The following PGBD5 variants were observed in gnomAD, a reference collection of about 807,000 sequenced individuals.
The protein encoded by PGBD5 is piggyBac transposable element-derived protein 5.
PGBD5 carries 14 observed loss-of-function variants against 47.9 expected under a neutral mutation model. That is an observed-to-expected ratio of 0.29 (90% confidence interval 0.19 to 0.46). The LOEUF (loss-of-function observed/expected upper bound fraction) is 0.46, where lower values mean the gene tolerates loss of function less well. PGBD5 is among the 20% of genes least tolerant of loss of function. The pLI is 1.00. For synonymous variants in PGBD5, 316 were observed against 306.3 expected (o/e 1.03, Z -0.33); for missense variants, 635 against 716.0 (o/e 0.89, Z 1.29).
At chr1:230,364,149 C>T (rs905956814) in intron 1 of PGBD5, among the ~76,000 whole-genome samples, 1 of 152,256 alleles carries the variant, frequency 6.6e-6, no homozygotes, top group African/African-American at 2.4e-5. Flanking sequence ...AGTGAACAAA[C>T]TTGATTCTCA....
At chr1:230,384,261 T>G (rs1656584703) in intron 1 of PGBD5, among the ~76,000 whole-genome samples, 2 of 152,140 alleles carry the variant, frequency 1.3e-5, no homozygotes, top group Admixed American at 6.5e-5. Context: ...GCCAGTACTT[T>G]CAATGTTGTG....
At position 230,323,864 on chromosome 1, in the gene PGBD5, T is replaced by C. The variant is rs942799762; in HGVS notation, c.1380-244A>G. 3.3e-5 allele frequency among the ~76,000 whole-genome samples: 5 copies of C among 152,228 alleles called. No individual in the cohort carries two copies. The highest frequency in any genetic ancestry group is 7.3e-5 in the Non-Finnish European group (5 of 68,034). ...ACAACAAGGTTGCTGGAGTAGACCC[T>C]GAAAGCCAGGTGCCAGGTGTGCTGG... On this transcript the variant is annotated intron_variant, in intron 6 of 6. Transcript: ENST00000391860. This position sits in a 1 kb window ranked among gnomAD's most constrained non-coding sequence, Gnocchi z 4.1.
chr1:230,383,881 G>C (rs1309560545), intron 1 of PGBD5, among the ~76,000 whole-genome samples: 1 of 152,230 alleles, frequency 6.6e-6, no homozygotes, highest in East Asian at 1.9e-4. Flanking sequence ...GTGTGGGTGG[G>C]CAGGGTGAGT....
intron 1 of PGBD5, chr1:230,367,815 C>T (rs1271549249): frequency 9.1e-7 from 1 of 1,098,796 alleles, no homozygotes; most frequent in African/African-American, 1.7e-5. Context: ...TTCATCATAT[C>T]AACCACTACA....
chr1:230,413,176 C>T (rs543527073), intron 1 of PGBD5, among the ~76,000 whole-genome samples: 70 of 152,210 alleles, frequency 4.6e-4, no homozygotes, highest in African/African-American at 1.6e-3. Flanking sequence ...TAAATATTAC[C>T]TTCAGTTGCA....
intron 1 of PGBD5, among the ~76,000 whole-genome samples, chr1:230,371,788 C>T (rs938792433): frequency 2.6e-5 from 4 of 152,322 alleles, no homozygotes; most frequent in South Asian, 4.1e-4. Context: ...ACAGAGCTTG[C>T]ACAAATCACT....
chr1:230,340,631 T>C (rs1250821881), intron 3 of PGBD5, among the ~76,000 whole-genome samples: 1 of 152,060 alleles, frequency 6.6e-6, no homozygotes, highest in African/African-American at 2.4e-5. Flanking sequence ...ATAACTTCCT[T>C]ATCAGGATTA....
At chr1:230,340,086 A>G (rs1265388479) in intron 3 of PGBD5, among the ~76,000 whole-genome samples, 1 of 152,224 alleles carries the variant, frequency 6.6e-6, no homozygotes. Context: ...AATATGTTGT[A>G]CACAATAAAA....
At chr1:230,421,429 T>C (rs1185900789) in intron 1 of PGBD5, among the ~76,000 whole-genome samples, 2 of 152,202 alleles carry the variant, frequency 1.3e-5, no homozygotes, top group Admixed American at 6.5e-5. Context: ...GTCTGACTAG[T>C]TAGATGGTGA....
At chr1:230,324,395 G>A (rs1395596691) in intron 6 of PGBD5, among the ~76,000 whole-genome samples, 1 of 152,206 alleles carries the variant, frequency 6.6e-6, no homozygotes, top group Non-Finnish European at 1.5e-5. Flanking sequence ...GAATGCCAAT[G>A]TCTTTGTAAC....
intron 1 of PGBD5, among the ~76,000 whole-genome samples, chr1:230,400,363 C>T (rs569844112): frequency 7.9e-4 from 120 of 152,012 alleles, no homozygotes; most frequent in African/African-American, 2.6e-3. Flanking sequence ...GCCCCCTAAA[C>T]CTGCCTACTG....
In PGBD5 at chr1:230,357,505, A is replaced by G. The variant is rs1172627619; in HGVS notation, c.332-184T>C. Among the ~76,000 whole-genome samples, 3 of 152,126 alleles carry G rather than the reference A, an allele frequency of 2.0e-5. No homozygotes were observed. Among genetic ancestry groups the G allele is most frequent in the East Asian group, 1.9e-4 (1 of 5,188 alleles). ...ACCACCTGACAGTGCCGGCTCCCAT[A>G]GCTTTTGTACGCCCCTTTGCTCCAA... On this transcript the variant is annotated intron_variant, in intron 1 of 6. Coordinates refer to ENST00000391860, the MANE Select transcript of PGBD5 (RefSeq NM_001258311.2). The surrounding 1 kb of genome is among the most constrained non-coding windows in gnomAD (Gnocchi z 5.7).
At chr1:230,361,999 C>T (rs1558199751) in intron 1 of PGBD5, among the ~76,000 whole-genome samples, 2 of 152,236 alleles carry the variant, frequency 1.3e-5, no homozygotes, top group African/African-American at 4.8e-5. Flanking sequence ...TGTGGCCAGA[C>T]AGAATGCCTT....
chr1:230,362,795 AG>A (rs1198768940), intron 1 of PGBD5, among the ~76,000 whole-genome samples: 1 of 152,128 alleles, frequency 6.6e-6, no homozygotes, highest in African/African-American at 2.4e-5. Context: ...GGCCCACCCA[AG>A]GGGAGGAGCA....
chr1:230,408,785 G>A (rs1372937016), intron 1 of PGBD5, among the ~76,000 whole-genome samples: 2 of 152,164 alleles, frequency 1.3e-5, no homozygotes, highest in Non-Finnish European at 2.9e-5. Context: ...AAATCTCAGT[G>A]ATTTCAAACT....
chr1:230,335,046 C>T (rs1308473629), intron 4 of PGBD5, among the ~76,000 whole-genome samples: 2 of 148,762 alleles, frequency 1.3e-5, no homozygotes, highest in Non-Finnish European at 2.9e-5. Flanking sequence ...CACACAGGTA[C>T]ACACACAGAC....
intron 3 of PGBD5, among the ~76,000 whole-genome samples, chr1:230,344,711 C>A (rs537551049): frequency 6.6e-6 from 1 of 152,262 alleles, no homozygotes; most frequent in African/African-American, 2.4e-5. Context: ...GGGTAGGAAG[C>A]ACGGGTTCTT....
At chr1:230,393,356 G>A (rs938260829) in intron 1 of PGBD5, among the ~76,000 whole-genome samples, 5 of 151,818 alleles carry the variant, frequency 3.3e-5, no homozygotes, top group Non-Finnish European at 7.4e-5. Flanking sequence ...GAACACAGGA[G>A]ACCACTGGCG....
At chr1:230,356,837 C>T (rs1298671832) in intron 2 of PGBD5, 57 bp downstream of exon 2, 29 of 1,562,446 alleles carry the variant, frequency 1.9e-5, no homozygotes, top group Admixed American at 8.7e-5. Context: ...ACAGACAAGG[C>T]TAGGCCGAGA....
Sources: gnomAD v4.1 joint callset for allele counts (sites outside exome capture counted in the v4.1 genomes callset) on GRCh38, gnomAD v4.1.1 for gene constraint, Gnocchi (gnomAD v3.1) non-coding constraint, MANE v1.5 for transcripts, NCBI Gene and HGNC (gene_info 2026-07-23, HGNC 2026-07-21) for gene names.